The following DACH1 variants were observed in gnomAD, a reference collection of about 807,000 sequenced individuals.
DACH1 encodes dachshund family transcription factor 1.
A neutral mutation model predicts 54.2 loss-of-function variants in DACH1; 12 were observed. That is an observed-to-expected ratio of 0.22 (90% CI 0.14 to 0.36). The LOEUF is 0.36. Ranked by LOEUF, DACH1 falls within the 10% of genes least tolerant of loss-of-function variation. DACH1 has a pLI of 1.00. For synonymous variants in DACH1, 386 were observed against 366.2 expected (o/e 1.05, Z -0.62); for missense variants, 805 against 929.8 (o/e 0.87, Z 1.75).
chr13:71,464,813 T>A (rs956245927), intron 10 of DACH1: 1 of 427,920 alleles, frequency 2.3e-6, no homozygotes, highest in African/African-American at 2.1e-5. Flanking sequence ...TGTAAAGATA[T>A]TCTCAAGACT....
At chr13:71,533,791 C>A (rs1307030213) in intron 6 of DACH1, among the ~76,000 whole-genome samples, 1 of 151,734 alleles carries the variant, frequency 6.6e-6, no homozygotes, top group African/African-American at 2.4e-5. Context: ...CACACACACA[C>A]TTTACTGTAT....
intron 1 of DACH1, among the ~76,000 whole-genome samples, chr13:71,798,713 T>G (rs570896582): frequency 6.6e-6 from 1 of 152,204 alleles, no homozygotes; most frequent in Admixed American, 6.6e-5. Flanking sequence ...CCAACTAATT[T>G]GCAGAAATCC....
intron 1 of DACH1, among the ~76,000 whole-genome samples, chr13:71,764,310 G>A (rs1236188523): frequency 6.6e-6 from 1 of 152,062 alleles, no homozygotes; most frequent in African/African-American, 2.4e-5. Context: ...TGAGACACGA[G>A]GATTACTTCA....
chr13:71,828,634 A>G (rs1030487179), intron 1 of DACH1, among the ~76,000 whole-genome samples: 2 of 152,006 alleles, frequency 1.3e-5, no homozygotes, highest in Non-Finnish European at 2.9e-5. Flanking sequence ...ACTATTTAAA[A>G]TGTTCTTTGT....
chr13:71,567,255 T>C lies in DACH1; in HGVS notation c.1299+5585A>G, dbSNP rs185141899. On this transcript the variant is annotated intron_variant, in intron 4 of 10. Coordinates refer to ENST00000613252, the MANE Select transcript of DACH1 (RefSeq NM_080759.6). Reference sequence around the variant, plus strand: ...CTGTAATGTGTCATAAGAAGAAAGATGTGTATCCAACAATGTAGGGTAATT... The same window carrying C: ...CTGTAATGTGTCATAAGAAGAAAGACGTGTATCCAACAATGTAGGGTAATT... 5.8e-4 allele frequency among the ~76,000 whole-genome samples: 88 copies of C among 152,160 alleles called. 1 individual carries two copies. Among genetic ancestry groups the C allele is most frequent in the Non-Finnish European group, 5.9e-4 (40 of 67,932 alleles).
intron 1 of DACH1, among the ~76,000 whole-genome samples, chr13:71,724,224 T>A (rs1341581534): frequency 6.6e-6 from 1 of 152,144 alleles, no homozygotes; most frequent in Non-Finnish European, 1.5e-5. Flanking sequence ...TCTAAGGGGT[T>A]TATAGTTGTA....
At chr13:71,479,112 AT>A in intron 8 of DACH1, 56 bp downstream of exon 8, 1 of 1,460,696 alleles carries the variant, frequency 6.8e-7, no homozygotes, top group Non-Finnish European at 9.3e-7. Flanking sequence ...CCATCATAGT[AT>A]TAATATGTTT....
chr13:71,799,672 A>G (rs1887210281), intron 1 of DACH1, among the ~76,000 whole-genome samples: 1 of 152,114 alleles, frequency 6.6e-6, no homozygotes, highest in South Asian at 2.1e-4. Context: ...ATTCCCAACT[A>G]AGTAGAAGTG....
intron 6 of DACH1, among the ~76,000 whole-genome samples, chr13:71,546,109 T>C (rs186015637): frequency 1.6e-4 from 25 of 152,222 alleles, no homozygotes; most frequent in African/African-American, 6.0e-4. Context: ...GTAATTTGGC[T>C]CCATATGTCA....
At chr13:71,596,986 T>C (rs1486727493) in intron 3 of DACH1, among the ~76,000 whole-genome samples, 1 of 152,160 alleles carries the variant, frequency 6.6e-6, no homozygotes, top group African/African-American at 2.4e-5. Context: ...AATATTAATT[T>C]CCATTCCAAA....
At chr13:71,704,640 T>C (rs2138759812) in intron 1 of DACH1, 1 of 388,548 alleles carries the variant, frequency 2.6e-6, no homozygotes, top group African/African-American at 2.2e-5. Flanking sequence ...CTCTTCCCTG[T>C]GGATTCATGG....
intron 4 of DACH1, among the ~76,000 whole-genome samples, chr13:71,560,699 A>G (rs1185351953): frequency 1.3e-5 from 2 of 152,134 alleles, no homozygotes; most frequent in Non-Finnish European, 2.9e-5. Context: ...AGCTCTGTAC[A>G]TTCTCCATTA....
At chr13:71,523,128 C>A (rs184825004) in intron 6 of DACH1, among the ~76,000 whole-genome samples, 1 of 152,178 alleles carries the variant, frequency 6.6e-6, no homozygotes, top group African/African-American at 2.4e-5. Flanking sequence ...GATGTGTGAG[C>A]CCCTTGTGCT....
intron 1 of DACH1, among the ~76,000 whole-genome samples, chr13:71,692,726 T>G (rs1881583250): frequency 6.6e-6 from 1 of 151,920 alleles, no homozygotes; most frequent in Non-Finnish European, 1.5e-5. Flanking sequence ...TTTCACCATA[T>G]TGGCCAGGCT....
chr13:71,556,445 T>A (rs1264605517), intron 6 of DACH1, among the ~76,000 whole-genome samples: 1 of 152,152 alleles, frequency 6.6e-6, no homozygotes, highest in Non-Finnish European at 1.5e-5. Context: ...AATTTTTTCA[T>A]GGAATTATCA....
chr13:71,717,661 G>T lies in DACH1; in HGVS notation c.849-35751C>A, dbSNP rs572717117. Among the ~76,000 whole-genome samples the T allele has an allele frequency of 5.9e-5, 9 of 151,954 alleles. No homozygotes were observed. In the South Asian group the frequency reaches 8.3e-4, roughly 14 times the overall value. On this transcript the variant is annotated intron_variant, in intron 1 of 10. Coordinates refer to ENST00000613252, the MANE Select transcript of DACH1 (RefSeq NM_080759.6). ...AATTGTCCATTTCGTAACTCTCAGG[G>T]AGAGGAAAATATAAAGTCGATGGAA...
chr13:71,518,470 T>C (rs188487064), intron 6 of DACH1, among the ~76,000 whole-genome samples: 3 of 151,988 alleles, frequency 2.0e-5, no homozygotes, highest in Admixed American at 1.3e-4. Flanking sequence ...TATAGTAAAA[T>C]TCTGTCTCCC....
At chr13:71,461,303 A>G (rs965335337) in intron 10 of DACH1, among the ~76,000 whole-genome samples, 4 of 152,102 alleles carry the variant, frequency 2.6e-5, no homozygotes, top group Non-Finnish European at 5.9e-5. Context: ...GTCTGAATTC[A>G]AAGCAGTTAG....
At chr13:71,766,590 T>G (rs953279708) in intron 1 of DACH1, among the ~76,000 whole-genome samples, 1 of 152,292 alleles carries the variant, frequency 6.6e-6, no homozygotes, top group Middle Eastern at 3.4e-3. Context: ...TCCCTTCAAT[T>G]TACAATTGAC....
Sources: allele counts gnomAD v4.1 joint callset (sites outside exome capture counted in the v4.1 genomes callset), GRCh38; gene constraint gnomAD v4.1.1; transcripts MANE v1.5; gene names NCBI Gene and HGNC (gene_info 2026-07-23, HGNC 2026-07-21).